Variants in ARMC9 observed in about 807,000 individuals in gnomAD.
ARMC9 encodes lisH domain-containing protein ARMC9.
In ARMC9, 94 loss-of-function variants were observed where a neutral mutation model predicts 107.0. That is an observed-to-expected ratio of 0.88 (90% CI 0.74 to 1.04). ARMC9 has a LOEUF of 1.04. Ranked by LOEUF, ARMC9 falls within the 50% of genes least tolerant of loss-of-function variation. The pLI, the probability that ARMC9 is intolerant of heterozygous loss-of-function variation, is 0.00. For synonymous variants in ARMC9, 380 were observed against 396.9 expected (o/e 0.96, Z 0.51); for missense variants, 942 against 1,030.1 (o/e 0.91, Z 1.17).
At chr2:231,242,208 G>A (rs2125376309) in intron 9 of ARMC9, among the ~76,000 whole-genome samples, 1 of 151,042 alleles carries the variant, frequency 6.6e-6, no homozygotes, top group South Asian at 2.1e-4. Context: ...GTTATTCCTG[G>A]TGCTAAGACC....
intron 20 of ARMC9, among the ~76,000 whole-genome samples, chr2:231,343,096 A>G (rs1207554155): frequency 3.9e-5 from 6 of 151,994 alleles, no homozygotes; most frequent in African/African-American, 1.4e-4. Context: ...TATTTTTAGT[A>G]GAGATGGGAT....
chr2:231,219,760 T>G (rs2125328998), intron 5 of ARMC9, among the ~76,000 whole-genome samples: 1 of 152,260 alleles, frequency 6.6e-6, no homozygotes, highest in South Asian at 2.1e-4. Context: ...ATATTAGACC[T>G]ATTATATTCT....
At chr2:231,230,480 T>C (rs888339935) in intron 7 of ARMC9, among the ~76,000 whole-genome samples, 1 of 152,218 alleles carries the variant, frequency 6.6e-6, no homozygotes, top group Admixed American at 6.5e-5. Flanking sequence ...ATAAAGCTGA[T>C]GTGTTTGAGC....
At chr2:231,242,410 A>G (rs1347370521) in intron 9 of ARMC9, among the ~76,000 whole-genome samples, 13 of 152,294 alleles carry the variant, frequency 8.5e-5, no homozygotes, top group Admixed American at 8.5e-4. Context: ...GGCCACAGTG[A>G]TTTTAGTGTG....
intron 19 of ARMC9, among the ~76,000 whole-genome samples, chr2:231,321,660 C>T (rs2043000744): frequency 6.6e-6 from 1 of 152,026 alleles, no homozygotes; most frequent in South Asian, 2.1e-4. Flanking sequence ...CTGCCTTGGT[C>T]CCTAGGTCTT....
chr2:231,350,182 C>T (rs1337614405), intron 21 of ARMC9, among the ~76,000 whole-genome samples: 1 of 151,822 alleles, frequency 6.6e-6, no homozygotes, highest in Non-Finnish European at 1.5e-5. Context: ...CCCGCCACCA[C>T]ACCTGGCTAA....
intron 17 of ARMC9, among the ~76,000 whole-genome samples, chr2:231,285,650 A>AG (rs2125460006): frequency 6.6e-6 from 1 of 151,954 alleles, no homozygotes; most frequent in South Asian, 2.1e-4. Flanking sequence ...CGTCTCAAAA[A>AG]AAAAAAAGAC....
intron 12 of ARMC9, among the ~76,000 whole-genome samples, chr2:231,269,940 T>A (rs558243406): frequency 2.9e-5 from 4 of 135,668 alleles, no homozygotes; most frequent in South Asian, 2.7e-4. Context: ...TCCTTGGTGA[T>A]CTCCTAATGA....
At chr2:231,301,742 G>A (rs767298900) in intron 19 of ARMC9, among the ~76,000 whole-genome samples, 10 of 152,124 alleles carry the variant, frequency 6.6e-5, no homozygotes, top group South Asian at 4.1e-4. Flanking sequence ...AATTTGAGAG[G>A]CCAAAACAGG....
chr2:231,255,713 C>T lies in ARMC9; in HGVS notation c.880-873C>T, dbSNP rs74269097. On this transcript the variant is annotated intron_variant, in intron 9 of 24. Coordinates refer to ENST00000611582, the MANE Select transcript of ARMC9 (RefSeq NM_001352754.2). The surrounding 1 kb of genome is among the most constrained non-coding windows in gnomAD (Gnocchi z 4.7). ...GGGTTGATTTTTACATCGTATGTGA[C>T]TTTGGTTGGTGAATCCTGGTGGATT... Among the ~76,000 whole-genome samples, 3 of 152,074 alleles carry T rather than the reference C, an allele frequency of 2.0e-5. No homozygotes were observed. In the East Asian group the frequency reaches 5.8e-4, roughly 29 times the overall value.
intron 9 of ARMC9, among the ~76,000 whole-genome samples, chr2:231,250,631 C>T (rs994527407): frequency 4.6e-5 from 7 of 152,130 alleles, no homozygotes. Flanking sequence ...AAGATCGGAG[C>T]TATCTTGGAG....
intron 9 of ARMC9, among the ~76,000 whole-genome samples, chr2:231,243,589 G>C (rs1298763114): frequency 6.6e-6 from 1 of 152,244 alleles, no homozygotes; most frequent in African/African-American, 2.4e-5. Context: ...CTGGAAACCA[G>C]AGGAGGGAGG....
chr2:231,361,473 AGAAAAG>A (rs2045578983), intron 23 of ARMC9, among the ~76,000 whole-genome samples: 1 of 150,868 alleles, frequency 6.6e-6, no homozygotes, highest in African/African-American at 2.4e-5. Flanking sequence ...AAAAAAAAAA[AGAAAAG>A]AAAAAACTGG....
intron 21 of ARMC9, among the ~76,000 whole-genome samples, chr2:231,352,002 C>G (rs1196916887): frequency 6.6e-6 from 1 of 152,058 alleles, no homozygotes; most frequent in African/African-American, 2.4e-5. Flanking sequence ...GCATCTCGCT[C>G]TGTCACCCCG....
intron 19 of ARMC9, among the ~76,000 whole-genome samples, chr2:231,325,914 A>G (rs139703747): frequency 2.4e-3 from 365 of 152,322 alleles, no homozygotes; most frequent in African/African-American, 8.2e-3. Context: ...AGTCCCAACT[A>G]GAGCTTAAAT....
In ARMC9 at chr2:231,254,942, G is replaced by A. The variant is rs187456459; in HGVS notation, c.880-1644G>A. 8.7e-4 allele frequency among the ~76,000 whole-genome samples: 132 copies of A among 152,140 alleles called. 3 individuals are homozygous for A. In the East Asian group the frequency reaches 0.022, roughly 25 times the overall value. ...AATCATTCAATATACATTTCTAACT[G>A]ATCAGAGGCTTTAATATACAAGCAC... On this transcript the variant is annotated intron_variant, in intron 9 of 24. Coordinates refer to ENST00000611582, the MANE Select transcript of ARMC9 (RefSeq NM_001352754.2).
intron 22 of ARMC9, among the ~76,000 whole-genome samples, chr2:231,357,084 C>T (rs556792629): frequency 6.6e-5 from 10 of 152,248 alleles, no homozygotes; most frequent in African/African-American, 2.4e-4. Flanking sequence ...TTGAGGTTGG[C>T]ATGGATGGAA....
Position 231,375,506 on chromosome 2 carries a change from A to G in ARMC9, c.*3971A>G, listed in dbSNP as rs553611325. Among the ~76,000 whole-genome samples, 3 of 152,264 alleles carry G rather than the reference A, an allele frequency of 2.0e-5. No homozygotes were observed. The highest frequency in any genetic ancestry group is 4.4e-5 in the Non-Finnish European group (3 of 68,028). On this transcript the variant is annotated 3_prime_UTR_variant, in exon 25 of 25. Transcript: ENST00000611582. This position sits in a 1 kb window ranked among gnomAD's most constrained non-coding sequence, Gnocchi z 4.3. ...CCAAATCTTTTAGGGCTGTTTTTCC[A>G]TTGTGGTATACCCTCTCCATTTAGA...
intron 20 of ARMC9, among the ~76,000 whole-genome samples, chr2:231,340,984 C>G (rs2044467252): frequency 6.6e-6 from 1 of 152,086 alleles, no homozygotes; most frequent in Admixed American, 6.6e-5. Context: ...ATGAGGATCA[C>G]TTGAGGCCAG....
Sources: gnomAD v4.1 joint callset for allele counts (sites outside exome capture counted in the v4.1 genomes callset) on GRCh38, gnomAD v4.1.1 for gene constraint, Gnocchi (gnomAD v3.1) non-coding constraint, MANE v1.5 for transcripts, NCBI Gene and HGNC (gene_info 2026-07-23, HGNC 2026-07-21) for gene names.